ENAH: variants seen among roughly 807,000 people sequenced by gnomAD.
The protein encoded by ENAH is ENAH actin regulator, also known as protein enabled homolog.
ENAH carries 23 observed loss-of-function variants against 78.7 expected under a neutral mutation model. The observed-to-expected ratio is 0.29, with a 90% CI of 0.21 to 0.41. The LOEUF (loss-of-function observed/expected upper bound fraction) is 0.41, where lower values mean the gene tolerates loss of function less well. ENAH is among the 10% of genes least tolerant of loss of function. ENAH has a pLI of 1.00. For synonymous variants in ENAH, 226 were observed against 241.0 expected, an observed-to-expected ratio of 0.94 and a Z score of 0.58; for missense variants, 544 against 691.0, an observed-to-expected ratio of 0.79 and a Z score of 2.39.
In ENAH at chr1:225,487,975, TAATAGA is replaced by T. The variant is rs1054300848; in HGVS notation, c.*9794_*9799del. ...AAAGTATTTAACCTTCTAAATCTCA[TAATAGA>T]AATTATGTACGTTGTTCTTTAACCA... On this transcript the variant is annotated 3_prime_UTR_variant, in exon 14 of 14. Coordinates refer to ENST00000366843, the MANE Select transcript of ENAH (RefSeq NM_018212.6). 2 of 152,058 alleles carry T rather than the reference TAATAGA, an allele frequency of 1.3e-5. No individual in the cohort carries two copies. The highest frequency in any genetic ancestry group is 4.8e-5 in the African/African-American group (2 of 41,410). The allele number at this position is 152,058 out of a possible 1,614,324, so 9.4% of individuals were successfully genotyped here. A position where few individuals can be genotyped will look rare whatever the true frequency, so the allele number is the denominator to read the frequency against.
intron 3 of ENAH, among the ~76,000 whole-genome samples, chr1:225,531,354 C>T (rs1225528272): frequency 1.3e-5 from 2 of 152,106 alleles, no homozygotes; most frequent in Non-Finnish European, 2.9e-5. Flanking sequence ...TCCATTCCCA[C>T]ATATCATGTA....
intron 1 of ENAH, among the ~76,000 whole-genome samples, chr1:225,619,837 A>T (rs1656478088): frequency 6.6e-6 from 1 of 152,202 alleles, no homozygotes; most frequent in Non-Finnish European, 1.5e-5. Flanking sequence ...CTTGTACCCT[A>T]AAAGTATTGA....
chr1:225,649,993 C>T lies in ENAH; in HGVS notation c.5+2693G>A, dbSNP rs570430461. ...ACTTAAAAGACTAACATTAACGTCC[C>T]ACAGGACTTGAAAGCATGAAGACTA... On this transcript the variant is annotated intron_variant, in intron 1 of 13. Transcript: ENST00000366843. Among the ~76,000 whole-genome samples the T allele has an allele frequency of 7.2e-5, 11 of 152,306 alleles. 1 individual carries two copies. In the East Asian group the frequency reaches 2.1e-3, roughly 29 times the overall value.
intron 1 of ENAH, 138 bp downstream of exon 1, chr1:225,652,548 G>A: frequency 9.4e-7 from 1 of 1,061,766 alleles, no homozygotes; most frequent in Non-Finnish European, 1.2e-6. Context: ...GGGACAAAAG[G>A]CGGAGGGGGG....
intron 11 of ENAH, among the ~76,000 whole-genome samples, chr1:225,506,912 T>A (rs1421416299): frequency 6.6e-6 from 1 of 152,208 alleles, no homozygotes; most frequent in Non-Finnish European, 1.5e-5. Flanking sequence ...AGAGTCAAGT[T>A]GCTTTTTACG....
chr1:225,553,641 A>G (rs1038224978), intron 3 of ENAH, among the ~76,000 whole-genome samples: 1 of 152,196 alleles, frequency 6.6e-6, no homozygotes, highest in Non-Finnish European at 1.5e-5. Flanking sequence ...ATGAAAAGCA[A>G]TTCTATACCT....
intron 2 of ENAH, among the ~76,000 whole-genome samples, chr1:225,564,126 G>GT (rs928346058): frequency 2.7e-5 from 4 of 150,820 alleles, no homozygotes; most frequent in Admixed American, 6.6e-5. Context: ...TTTTTTGTTT[G>GT]TTTTTTTGAG....
chr1:225,519,295 C>T lies in ENAH; in HGVS notation c.705G>A (p.Leu235=). 1.9e-6 allele frequency: 3 copies of T among 1,613,920 alleles called. No individual in the cohort carries two copies. Among genetic ancestry groups the T allele is most frequent in the Non-Finnish European group, 2.5e-6 (3 of 1,179,950 alleles). The change falls in exon 5 of 14, where the codon CTG becomes CTA. Residue 235 remains leucine (L), a synonymous_variant. Transcript: ENST00000366843. ...CTTGCCTCTCCCGTTCCAGTCTCTC[C>T]AGCCTCTCTCGTTCTTGTCTTTCTT... ...ERQERQERER[L]ERLERERQER...
Position 225,601,441 on chromosome 1 carries a change from C to T in ENAH, c.6-34027G>A, listed in dbSNP as rs535614620. Among the ~76,000 whole-genome samples, 352 of 151,668 alleles carry T rather than the reference C, an allele frequency of 2.3e-3. 2 individuals are homozygous for T. Among genetic ancestry groups the T allele is most frequent in the African/African-American group, 8.3e-3 (345 of 41,346 alleles). ...GCTGAGGCAAGAGAATGGCGTGAAC[C>T]TGGGAGGCGGGGCTTGCAGTGAGCC... is the stretch of plus-strand genomic sequence containing the variant. On this transcript the variant is annotated intron_variant, in intron 1 of 13. Coordinates refer to ENST00000366843, the MANE Select transcript of ENAH (RefSeq NM_018212.6).
At chr1:225,580,855 C>T (rs1298886346) in intron 1 of ENAH, among the ~76,000 whole-genome samples, 6 of 145,660 alleles carry the variant, frequency 4.1e-5, no homozygotes, top group Non-Finnish European at 7.4e-5. Context: ...GAGCCGAGAT[C>T]GCATCACTGT....
chr1:225,590,594 C>T (rs553541962), intron 1 of ENAH, among the ~76,000 whole-genome samples: 70 of 151,908 alleles, frequency 4.6e-4, no homozygotes, highest in Non-Finnish European at 2.8e-4. Flanking sequence ...TATTTTTCTC[C>T]CCCCCATTCC....
chr1:225,524,688 G>A (rs2096492215), intron 4 of ENAH: 1 of 943,738 alleles, frequency 1.1e-6, no homozygotes, highest in Admixed American at 6.2e-5. Context: ...TGTTCCAACT[G>A]CTCAGTTCTG....
At chr1:225,584,891 T>C (rs2096837579) in intron 1 of ENAH, among the ~76,000 whole-genome samples, 1 of 152,150 alleles carries the variant, frequency 6.6e-6, no homozygotes, top group African/African-American at 2.4e-5. Flanking sequence ...GTAACAATCC[T>C]GAATGTACAG....
chr1:225,498,833 T>C (rs952325658), intron 12 of ENAH, among the ~76,000 whole-genome samples: 6 of 152,204 alleles, frequency 3.9e-5, no homozygotes, highest in South Asian at 2.1e-4. Context: ...GAAGTATGTA[T>C]GGAGATTTCT....
At chr1:225,532,337 C>G (rs564392071) in intron 3 of ENAH, among the ~76,000 whole-genome samples, 14 of 152,076 alleles carry the variant, frequency 9.2e-5, no homozygotes, top group Non-Finnish European at 1.5e-4. Context: ...ATGGGCAACT[C>G]ACAAGACCAT....
chr1:225,586,000 G>A (rs754037890), intron 1 of ENAH, among the ~76,000 whole-genome samples: 1 of 152,092 alleles, frequency 6.6e-6, no homozygotes, highest in Non-Finnish European at 1.5e-5. Context: ...AACTGTTTGA[G>A]CCCAGGAGCT....
rs201821296 is a variant in ENAH, at chr1:225,526,337, TC to T, written c.434+4216del. Among the ~76,000 whole-genome samples, 242 of 149,692 alleles carry T rather than the reference TC, an allele frequency of 1.6e-3. 2 individuals carry two copies. Among genetic ancestry groups the T allele is most frequent in the African/African-American group, 5.6e-3 (226 of 40,412 alleles). ...TTCTATTTCTTTCTTTCTCTCTCTC[TC>T]TTTTTTTTTTTTTTCTTTTGAGACA... On this transcript the variant is annotated intron_variant, in intron 4 of 13. Transcript: ENST00000366843.
intron 3 of ENAH, among the ~76,000 whole-genome samples, chr1:225,531,218 T>C (rs558648509): frequency 2.0e-5 from 3 of 152,104 alleles, no homozygotes; most frequent in Non-Finnish European, 4.4e-5. Flanking sequence ...TAAACTTCCA[T>C]ATAGTAATTA....
intron 3 of ENAH, among the ~76,000 whole-genome samples, chr1:225,543,934 A>C (rs1216940166): frequency 6.6e-6 from 1 of 152,244 alleles, no homozygotes; most frequent in African/African-American, 2.4e-5. Context: ...ATGTTAACTC[A>C]GAGGCAATGC....
Sources: gnomAD v4.1 joint callset for allele counts (sites outside exome capture counted in the v4.1 genomes callset) on GRCh38, gnomAD v4.1.1 for gene constraint, MANE v1.5 for transcripts, NCBI Gene and HGNC (gene_info 2026-07-23, HGNC 2026-07-21) for gene names.